Variants in H2BC5 observed in about 807,000 individuals in gnomAD.
H2BC5 encodes H2B clustered histone 5, also known as histone H2B type 1-D.
A neutral mutation model predicts 5.7 loss-of-function variants in H2BC5; 9 were observed. The observed-to-expected ratio is 1.57, with a 90% CI of 0.95 to 2.74. H2BC5 has a LOEUF of 2.74. Among genes scored for constraint, H2BC5 ranks in the 30% most tolerant of loss-of-function variants. The probability of loss-of-function intolerance (pLI) is 0.00; values close to 1 mark genes in which losing one functional copy is unlikely to be tolerated. For synonymous variants in H2BC5, 133 were observed against 70.9 expected, an observed-to-expected ratio of 1.88 and a Z score of -4.40; for missense variants, 175 against 168.8, an observed-to-expected ratio of 1.04 and a Z score of -0.20.
At chr6:26,164,373 G>A (rs942708035) in intron 1 of H2BC5, 4 of 241,176 alleles carry the variant, frequency 1.7e-5, no homozygotes, top group African/African-American at 9.2e-5. Flanking sequence ...GGCAGGGAAA[G>A]GGATGGGATG....
chr6:26,158,469 C>T lies in H2BC5; in HGVS notation c.300C>T (p.Arg100=). 6.2e-7 allele frequency: 1 copy of T among 1,614,270 alleles called. No homozygotes were observed. Among genetic ancestry groups the T allele is most frequent in the Admixed American group, 1.7e-5 (1 of 60,036 alleles). The change falls in exon 1 of 1, where the codon CGC becomes CGT. Residue 100 remains arginine, a synonymous_variant. Transcript: ENST00000377777. Reference sequence around the variant, plus strand: ...CCAGGGAGATCCAGACGGCCGTGCGCCTGCTGCTTCCGGGGGAGCTGGCCA... The same window carrying T: ...CCAGGGAGATCCAGACGGCCGTGCGTCTGCTGCTTCCGGGGGAGCTGGCCA... The part of the protein sequence containing the change: ...ITSREIQTAV[R]LLLPGELAKH...
At chr6:26,162,319 G>C (rs931715677), downstream of H2BC5, among the ~76,000 whole-genome samples, 5 of 151,694 alleles carry the variant, frequency 3.3e-5, no homozygotes, top group African/African-American at 1.2e-4. Flanking sequence ...AAAAATGTTC[G>C]ATATTCTCTC....
downstream of H2BC5, among the ~76,000 whole-genome samples, chr6:26,159,252 T>G (rs926649723): frequency 1.2e-4 from 16 of 137,826 alleles, no homozygotes; most frequent in African/African-American, 3.9e-4. Context: ...GGTTTTTTTT[T>G]TTTTTTTTTT....
At chr6:26,158,717 G>A, downstream of H2BC5, 1 of 1,128,930 alleles carries the variant, frequency 8.9e-7, no homozygotes, top group Non-Finnish European at 1.2e-6. Context: ...GAAATAACTT[G>A]GAAGTTACAG....
intron 1 of H2BC5, among the ~76,000 whole-genome samples, chr6:26,167,859 T>G (rs1233991314): frequency 6.6e-6 from 1 of 152,034 alleles, no homozygotes; most frequent in East Asian, 1.9e-4. Flanking sequence ...ATCTTTACTA[T>G]GGGCTAGGGT....
intron 1 of H2BC5, among the ~76,000 whole-genome samples, chr6:26,166,826 G>A (rs1764438419): frequency 6.8e-6 from 1 of 147,396 alleles, no homozygotes; most frequent in Non-Finnish European, 1.5e-5. Context: ...TAGCCTCCCT[G>A]AGTAGCTGGG....
intron 1 of H2BC5, among the ~76,000 whole-genome samples, chr6:26,168,055 C>T (rs1764460532): frequency 6.6e-6 from 1 of 152,070 alleles, no homozygotes; most frequent in East Asian, 1.9e-4. Flanking sequence ...TTGAAGGTAT[C>T]TGCTTTCCAG....
At chr6:26,167,926 G>A (rs965885022) in intron 1 of H2BC5, among the ~76,000 whole-genome samples, 1 of 151,180 alleles carries the variant, frequency 6.6e-6, no homozygotes, top group African/African-American at 2.4e-5. Flanking sequence ...TTAAGTTTTA[G>A]GGTACATGTG....
At chr6:26,169,491 T>C (rs1764484783) in intron 1 of H2BC5, among the ~76,000 whole-genome samples, 1 of 152,220 alleles carries the variant, frequency 6.6e-6, no homozygotes, top group Non-Finnish European at 1.5e-5. Flanking sequence ...AACATATGTA[T>C]TCTAATTTTT....
At chr6:26,161,642 C>T (rs368499387), downstream of H2BC5, among the ~76,000 whole-genome samples, 3 of 151,838 alleles carry the variant, frequency 2.0e-5, no homozygotes, top group East Asian at 1.9e-4. Flanking sequence ...CATGGTGGTG[C>T]GTGCTTGTGG....
chr6:26,164,022 T>C (rs1209839938), intron 1 of H2BC5: 1 of 421,300 alleles, frequency 2.4e-6, no homozygotes, highest in Non-Finnish European at 4.8e-6. Flanking sequence ...CAGATAAGAA[T>C]AGTAAAAGAA....
intron 1 of H2BC5, among the ~76,000 whole-genome samples, chr6:26,167,875 A>T (rs1764456168): frequency 6.6e-6 from 1 of 151,414 alleles, no homozygotes; most frequent in Admixed American, 6.6e-5. Context: ...AGGGTATCAT[A>T]TTTATTTATT....
At chr6:26,159,259 T>G (rs990129258), downstream of H2BC5, among the ~76,000 whole-genome samples, 5 of 142,790 alleles carry the variant, frequency 3.5e-5, no homozygotes, top group African/African-American at 7.8e-5. Context: ...TTTTTTTTTT[T>G]TTTTTTTTTT....
At chr6:26,169,995 A>G (rs1229823159) in intron 1 of H2BC5, among the ~76,000 whole-genome samples, 2 of 152,168 alleles carry the variant, frequency 1.3e-5, no homozygotes, top group African/African-American at 2.4e-5. Context: ...AGAAAGATAG[A>G]GAAAAAACAA....
intron 1 of H2BC5, among the ~76,000 whole-genome samples, chr6:26,165,403 G>T (rs145461176): frequency 6.6e-6 from 1 of 152,054 alleles, no homozygotes; most frequent in South Asian, 2.1e-4. Flanking sequence ...CTATTGCATC[G>T]TTTGAAGCTG....
intron 1 of H2BC5, among the ~76,000 whole-genome samples, chr6:26,164,572 TGA>T (rs1764392546): frequency 6.7e-6 from 1 of 150,280 alleles, no homozygotes; most frequent in Non-Finnish European, 1.5e-5. Context: ...TAACTTCTTC[TGA>T]GAGGGGAGAG....
chr6:26,158,649 G>C, downstream of H2BC5: 1 of 1,532,044 alleles, frequency 6.5e-7, no homozygotes, highest in Non-Finnish European at 8.8e-7. Flanking sequence ...TTCAAAAGGG[G>C]GGTTATTGGA....
downstream of H2BC5, among the ~76,000 whole-genome samples, chr6:26,161,432 A>G (rs895402566): frequency 3.3e-5 from 5 of 152,220 alleles, no homozygotes; most frequent in Admixed American, 2.6e-4. Context: ...ATCTTAAGGA[A>G]TTATCTGAAA....
rs560496143 is a variant in H2BC5 at position 26,170,380 on chromosome 6, G to A, written c.*10-595G>A. Among the ~76,000 whole-genome samples the A allele has an allele frequency of 1.2e-4, 19 of 152,200 alleles. No individual in the cohort carries two copies. The South Asian group carries it at 3.9e-3, about 32-fold the overall frequency. ...CATGGCAGACTCTCAAAACGTATTT[G>A]CAGCATGACATAATTTCTGACATAA... is the stretch of plus-strand genomic sequence containing the variant. On this transcript the variant is annotated intron_variant, in intron 1 of 1. Coordinates refer to the H2BC5 transcript ENST00000289316.
Sources: gnomAD v4.1 joint callset for allele counts (sites outside exome capture counted in the v4.1 genomes callset) on GRCh38, gnomAD v4.1.1 for gene constraint, MANE v1.5 for transcripts, NCBI Gene and HGNC (gene_info 2026-07-23, HGNC 2026-07-21) for gene names.